The following MYCBP2 variants were observed in gnomAD, a reference collection of about 807,000 sequenced individuals.
MYCBP2 encodes MYC binding protein 2.
A neutral mutation model predicts 525.3 loss-of-function variants in MYCBP2; 120 were observed. That is an observed-to-expected ratio of 0.23 (90% CI 0.20 to 0.27). The LOEUF is 0.27. Ranked by LOEUF, MYCBP2 falls within the 10% of genes least tolerant of loss-of-function variation. The pLI, the probability that MYCBP2 is intolerant of heterozygous loss-of-function variation, is 1.00. For missense variants in MYCBP2, 4,149 were observed against 5,657.1 expected (o/e 0.73, Z 8.55); for synonymous variants, 1,894 against 1,955.8 (o/e 0.97, Z 0.83).
intron 10 of MYCBP2, among the ~76,000 whole-genome samples, chr13:77,262,710 C>T (rs1250583300): frequency 1.3e-5 from 2 of 151,904 alleles, no homozygotes. Flanking sequence ...TATGCATATA[C>T]ACACACAGAT....
intron 55 of MYCBP2, among the ~76,000 whole-genome samples, chr13:77,112,566 C>T (rs2049014569): frequency 6.6e-6 from 1 of 151,846 alleles, no homozygotes; most frequent in East Asian, 1.9e-4. Context: ...GCTAGGATTA[C>T]AGGTGTGCAT....
At chr13:77,220,920 G>A (rs2065458279) in intron 20 of MYCBP2, among the ~76,000 whole-genome samples, 1 of 152,160 alleles carries the variant, frequency 6.6e-6, no homozygotes, top group South Asian at 2.1e-4. Flanking sequence ...CACACTTCAT[G>A]TAATCAGTCT....
chr13:77,174,049 C>T (rs1296637458), intron 37 of MYCBP2, among the ~76,000 whole-genome samples: 1 of 152,184 alleles, frequency 6.6e-6, no homozygotes, highest in Non-Finnish European at 1.5e-5. Context: ...GTGACAGCAA[C>T]AGCACATATG....
Position 77,057,966 on chromosome 13 carries a change from T to C in MYCBP2, c.13329+252A>G, listed in dbSNP as rs2038489331. ...CATTCTCCTGACTCAGCCTCCTGAG[T>C]AGCTGGGACTACAGGCACCCACCAC... On this transcript the variant is annotated intron_variant, in intron 78 of 82. Coordinates refer to ENST00000544440, the MANE Select transcript of MYCBP2 (RefSeq NM_015057.5). 2.0e-5 allele frequency among the ~76,000 whole-genome samples: 3 copies of C among 151,380 alleles called. 1 individual carries two copies. The South Asian group carries it at 6.3e-4, about 32-fold the overall frequency.
At chr13:77,318,892 GTGCT>G (rs1349010624) in intron 1 of MYCBP2, among the ~76,000 whole-genome samples, 1 of 152,162 alleles carries the variant, frequency 6.6e-6, no homozygotes, top group Non-Finnish European at 1.5e-5. Flanking sequence ...TTTTTGCACA[GTGCT>G]TGATCTGTAT....
chr13:77,246,433 C>T (rs2069954655), intron 15 of MYCBP2, among the ~76,000 whole-genome samples: 1 of 148,702 alleles, frequency 6.7e-6, no homozygotes, highest in African/African-American at 2.5e-5. Context: ...TACCCCAATA[C>T]CAATGTCAGA....
chr13:77,271,574 G>A (rs946941504), intron 5 of MYCBP2, among the ~76,000 whole-genome samples: 12 of 152,118 alleles, frequency 7.9e-5, no homozygotes, highest in African/African-American at 2.9e-4. Flanking sequence ...CTGGATCATG[G>A]GGGCAAGTCT....
At chr13:77,180,495 A>G (rs140735153) in intron 33 of MYCBP2, among the ~76,000 whole-genome samples, 177 bp from the exon 34 acceptor site, 1 of 152,308 alleles carries the variant, frequency 6.6e-6, no homozygotes, top group African/African-American at 2.4e-5. Flanking sequence ...TCTTTTTTGA[A>G]TTATCTGTCT....
In MYCBP2 at chr13:77,096,339, G is replaced by A. The variant is rs745562250; in HGVS notation, c.9927C>T (p.Arg3309=). The change falls in exon 57 of 83, where the codon CGC becomes CGT. Residue 3309 remains arginine (R), a synonymous_variant. Coordinates refer to ENST00000544440, the MANE Select transcript of MYCBP2 (RefSeq NM_015057.5). ...TCTCCCTTGCAGCAGCCTGTTTTTC[G>A]CGGAGGTATTTTTCTCTACAGCGAT... ...VCDRCREKYL[R]EKQAAAREKV... The A allele has an allele frequency of 4.0e-5, 64 of 1,612,870 alleles. 1 individual carries two copies. The South Asian group carries it at 5.9e-4, about 15-fold the overall frequency.
intron 26 of MYCBP2, among the ~76,000 whole-genome samples, chr13:77,203,467 T>G (rs1175330183): frequency 6.6e-6 from 1 of 152,064 alleles, no homozygotes; most frequent in Non-Finnish European, 1.5e-5. Flanking sequence ...ATGGCCATAC[T>G]GCCCAAGGTA....
chr13:77,117,903 A>G (rs2050053642), intron 55 of MYCBP2, among the ~76,000 whole-genome samples: 1 of 152,238 alleles, frequency 6.6e-6, no homozygotes, highest in Non-Finnish European at 1.5e-5. Context: ...CAACAAAAAA[A>G]TAAAAATAAA....
intron 17 of MYCBP2, among the ~76,000 whole-genome samples, chr13:77,235,119 T>C (rs17750294): frequency 0.029 from 4,458 of 152,152 alleles, 106 homozygotes; most frequent in Middle Eastern, 0.065. Flanking sequence ...ATCTTTTATT[T>C]AGCAGACACT....
intron 18 of MYCBP2, among the ~76,000 whole-genome samples, chr13:77,228,691 TTGTGTGTGTGTG>T (rs34441629): frequency 3.4e-5 from 5 of 147,286 alleles, no homozygotes; most frequent in African/African-American, 1.3e-4. Context: ...GATGAATATG[TTGTGTGTGTGTG>T]TGTGTGTGTG....
chr13:77,072,208 G>A lies in MYCBP2; in HGVS notation c.11824-1497C>T, dbSNP rs181584919. Among the ~76,000 whole-genome samples the A allele has an allele frequency of 4.8e-3, 723 of 150,976 alleles. 4 individuals are homozygous for A. The highest frequency in any genetic ancestry group is 0.015 in the African/African-American group (628 of 41,134). ...TGGGAGGCTGAGGCAGGAGAATGGCGTGAACCCAGGAGTCAGAGCTTGCAG... is the reference window on the plus strand; with the variant it reads ...TGGGAGGCTGAGGCAGGAGAATGGCATGAACCCAGGAGTCAGAGCTTGCAG... On this transcript the variant is annotated intron_variant, in intron 68 of 82. Coordinates refer to ENST00000544440, the MANE Select transcript of MYCBP2 (RefSeq NM_015057.5).
chr13:77,099,020 G>A lies in MYCBP2; in HGVS notation c.8141-7C>T. On this transcript the variant is annotated splice_region_variant and splice_polypyrimidine_tract_variant and intron_variant, in intron 55 of 82. Transcript: ENST00000544440. Reference sequence around the variant, plus strand: ...GAGATGTTTCCTCGATCACCTGTATGGTCCATTTTACAGTGAAACTTATTA... The same window carrying A: ...GAGATGTTTCCTCGATCACCTGTATAGTCCATTTTACAGTGAAACTTATTA... 1 of 1,598,532 alleles carries A rather than the reference G, an allele frequency of 6.3e-7. No homozygotes were observed. The highest frequency in any genetic ancestry group is 1.3e-5 in the African/African-American group (1 of 74,548).
chr13:77,186,085 C>A (rs2060685497), intron 30 of MYCBP2, 22 bp from the exon 31 acceptor site: 2 of 1,505,920 alleles, frequency 1.3e-6, no homozygotes, highest in Non-Finnish European at 1.8e-6. Context: ...TATGAAAAAA[C>A]AGACAACAAT....
rs2042779333 is a variant in MYCBP2 at position 77,078,742 on chromosome 13, A to G, written c.11484+82T>C. On this transcript the variant is annotated intron_variant, in intron 66 of 82. Transcript: ENST00000544440. ...CCTATAATACTTTGGTTGTGTGCCA[A>G]GGGTGGAATTCAATAGTGAAGGCTG... 3 of 1,091,702 alleles carry G rather than the reference A, an allele frequency of 2.7e-6. No individual in the cohort carries two copies. In the African/African-American group the frequency reaches 4.6e-5, roughly 17 times the overall value. 67.6% of individuals were successfully genotyped at this position (1,091,702 alleles called of 1,614,324 possible).
chr13:77,307,648 A>C (rs1467454500), intron 1 of MYCBP2, among the ~76,000 whole-genome samples: 2 of 148,464 alleles, frequency 1.3e-5, no homozygotes, highest in Non-Finnish European at 3.0e-5. Context: ...AAAAAAAAAA[A>C]AAAAAACTTC....
intron 55 of MYCBP2, among the ~76,000 whole-genome samples, chr13:77,101,739 T>C (rs1353141836): frequency 1.3e-5 from 2 of 152,052 alleles, no homozygotes; most frequent in African/African-American, 4.8e-5. Flanking sequence ...AATTTATTTT[T>C]CCAAAACGTA....
Sources: allele counts gnomAD v4.1 joint callset (sites outside exome capture counted in the v4.1 genomes callset), GRCh38; gene constraint gnomAD v4.1.1; transcripts MANE v1.5; gene names NCBI Gene and HGNC (gene_info 2026-07-23, HGNC 2026-07-21).